Variants in RUNX1 observed in about 807,000 individuals in gnomAD.
The protein encoded by RUNX1 is runt-related transcription factor 1.
Under a neutral mutation model 42.8 loss-of-function variants are expected in RUNX1, and 19 were observed. The observed-to-expected ratio is 0.44, with a 90% confidence interval of 0.31 to 0.65. RUNX1 has a LOEUF of 0.65. Among genes scored for constraint, RUNX1 ranks in the 30% least tolerant of loss-of-function variants. The pLI, the probability that RUNX1 is intolerant of heterozygous loss-of-function variation, is 0.07. For synonymous variants in RUNX1, 271 were observed against 289.4 expected (o/e 0.94, Z 0.64); for missense variants, 528 against 672.0 (o/e 0.79, Z 2.37).
At chr21:34,834,908 G>A (rs1569037782) in intron 6 of RUNX1, among the ~76,000 whole-genome samples, 1 of 152,160 alleles carries the variant, frequency 6.6e-6, no homozygotes, top group African/African-American at 2.4e-5. Flanking sequence ...AGAACTTGGC[G>A]GTGGTGGTGA....
intron 5 of RUNX1, among the ~76,000 whole-genome samples, chr21:34,869,327 C>T (rs148409889): frequency 0.015 from 2,213 of 152,328 alleles, 30 homozygotes; most frequent in Non-Finnish European, 0.02. Flanking sequence ...GAAAGGCACT[C>T]TTAAACCTAT....
At chr21:34,986,040 T>C (rs185725740) in intron 2 of RUNX1, among the ~76,000 whole-genome samples, 2 of 152,058 alleles carry the variant, frequency 1.3e-5, no homozygotes, top group Admixed American at 1.3e-4. Flanking sequence ...ACTGGGCTAA[T>C]TTTTGTATTT....
chr21:34,922,999 T>C (rs931466970), intron 2 of RUNX1, among the ~76,000 whole-genome samples: 4 of 152,180 alleles, frequency 2.6e-5, no homozygotes, highest in African/African-American at 9.7e-5. Flanking sequence ...AGGGAGAAAA[T>C]AGATAGCAAT....
At chr21:34,842,517 T>C (rs1376273431) in intron 6 of RUNX1, among the ~76,000 whole-genome samples, 4 of 131,748 alleles carry the variant, frequency 3.0e-5, no homozygotes, top group Non-Finnish European at 6.6e-5. Flanking sequence ...AAAAAAAAAT[T>C]AAATCAATCA....
intron 2 of RUNX1, among the ~76,000 whole-genome samples, chr21:34,998,819 G>A (rs377153935): frequency 1.8e-3 from 274 of 152,316 alleles, no homozygotes; most frequent in African/African-American, 6.4e-3. Context: ...GGGATTACAG[G>A]CGTGAGCCAC....
At chr21:34,892,365 A>G (rs2058089694) in intron 3 of RUNX1, among the ~76,000 whole-genome samples, 1 of 152,100 alleles carries the variant, frequency 6.6e-6, no homozygotes, top group Non-Finnish European at 1.5e-5. Context: ...TCTAATTACT[A>G]TGAGAGGGGG....
intron 6 of RUNX1, among the ~76,000 whole-genome samples, chr21:34,857,555 A>G (rs1303540639): frequency 2.6e-5 from 4 of 152,216 alleles, no homozygotes; most frequent in African/African-American, 9.6e-5. Flanking sequence ...GCTGGTCGGC[A>G]TTTCAACTGT....
Position 34,944,064 on chromosome 21 carries a change from A to G in RUNX1, c.59-51101T>C, listed in dbSNP as rs374454412. ...TGCTCTGTCACCCAGGCTGGAGTGC[A>G]GTGGTGTGATCACAGCTCACTGTAG... On this transcript the variant is annotated intron_variant, in intron 2 of 8. Transcript: ENST00000675419. Among the ~76,000 whole-genome samples the G allele has an allele frequency of 9.2e-5, 14 of 152,264 alleles. No individual in the cohort carries two copies. The East Asian group carries it at 2.7e-3, about 29-fold the overall frequency.
chr21:34,791,699 C>A lies in RUNX1; in HGVS notation c.*436G>T, dbSNP rs369123316. On this transcript the variant is annotated 3_prime_UTR_variant, in exon 9 of 9. Transcript: ENST00000675419. ...GCGAGTTGCATCCCTCCTCTCCCCC[C>A]ACCCCAACCAAAATTCCACACTCTT... 7 of 231,078 alleles carry A rather than the reference C, an allele frequency of 3.0e-5. No individual in the cohort carries two copies. Among genetic ancestry groups the A allele is most frequent in the East Asian group, 6.1e-5 (1 of 16,332 alleles). 14.3% of individuals were successfully genotyped at this position (231,078 alleles called of 1,614,324 possible).
chr21:34,888,137 G>A, intron 3 of RUNX1: 3 of 1,066,386 alleles, frequency 2.8e-6, no homozygotes, highest in Non-Finnish European at 3.4e-6. Context: ...CATCAGCTGG[G>A]TGACTCAGCC....
At chr21:34,916,053 G>C (rs971028053) in intron 2 of RUNX1, among the ~76,000 whole-genome samples, 1 of 152,124 alleles carries the variant, frequency 6.6e-6, no homozygotes, top group African/African-American at 2.4e-5. Flanking sequence ...AGGGGAGAGG[G>C]GGAAGAGTCA....
intron 2 of RUNX1, chr21:35,038,609 CTCTCTGTG>C (rs1393584696): frequency 2.6e-5 from 8 of 309,268 alleles, no homozygotes; most frequent in East Asian, 2.0e-4. Flanking sequence ...CTCTCTCTCT[CTCTCTGTG>C]TGTGTGTGTG....
chr21:34,790,329 A>G lies in RUNX1; in HGVS notation c.*1806T>C, dbSNP rs185368018. 583 of 233,680 alleles carry G rather than the reference A, an allele frequency of 2.5e-3. 1 individual carries two copies. Among genetic ancestry groups the G allele is most frequent in the African/African-American group, 0.012 (539 of 45,488 alleles). 14.5% of individuals were successfully genotyped at this position (233,680 alleles called of 1,614,324 possible). On this transcript the variant is annotated 3_prime_UTR_variant, in exon 9 of 9. Transcript: ENST00000675419. ...GCCTAATTTGAATGCTTAAATTTAT[A>G]AAATAAAAATCAAACACTGTTCTGA...
At chr21:34,889,600 C>T (rs1191529485) in intron 3 of RUNX1, 2 of 982,684 alleles carry the variant, frequency 2.0e-6, no homozygotes, top group African/African-American at 1.8e-5. Context: ...CCGCGTCTCC[C>T]CTCCGGCTCC....
intron 4 of RUNX1, among the ~76,000 whole-genome samples, chr21:34,881,436 C>A (rs1362342430): frequency 5.9e-5 from 9 of 151,940 alleles, no homozygotes; most frequent in African/African-American, 2.2e-4. Context: ...TTCTAGCACA[C>A]AAGAAAAAAA....
rs1178494841 is a variant in RUNX1, at chr21:35,000,530, G to A, written c.58+48312C>T. ...GCTGGGATTACAGGCGTGAGCCACCGCACCCAGCCTCATATAATTTTCATC... is the reference window on the plus strand; with the variant it reads ...GCTGGGATTACAGGCGTGAGCCACCACACCCAGCCTCATATAATTTTCATC... On this transcript the variant is annotated intron_variant, in intron 2 of 8. Transcript: ENST00000675419. Among the ~76,000 whole-genome samples, 10 of 152,088 alleles carry A rather than the reference G, an allele frequency of 6.6e-5. No individual in the cohort carries two copies. In the East Asian group the frequency reaches 1.2e-3, roughly 18 times the overall value.
rs777848069 is a variant in RUNX1 at position 34,880,545 on chromosome 21, C to T, written c.508+12G>A. 9.9e-6 allele frequency: 16 copies of T among 1,613,696 alleles called. No individual in the cohort carries two copies. Among genetic ancestry groups the T allele is most frequent in the Non-Finnish European group, 1.4e-5 (16 of 1,179,764 alleles). On this transcript the variant is annotated intron_variant, in intron 5 of 8. Coordinates refer to ENST00000675419, the MANE Select transcript of RUNX1 (RefSeq NM_001754.5). ...AAACGTGTTTCAAGCATAGTTTTGA[C>T]AGATAACGTACCTCTTCCACTTCGA...
chr21:35,004,456 T>C (rs531969700), intron 2 of RUNX1, among the ~76,000 whole-genome samples: 2 of 152,336 alleles, frequency 1.3e-5, no homozygotes, highest in East Asian at 1.9e-4. Flanking sequence ...CAAGGGACTA[T>C]GAAAAATCAG....
chr21:34,991,354 G>A (rs185040603), intron 2 of RUNX1, among the ~76,000 whole-genome samples: 132 of 152,290 alleles, frequency 8.7e-4, no homozygotes, highest in African/African-American at 3.1e-3. Flanking sequence ...CTGGGTAGGC[G>A]CCCTGCCCTG....
Sources: allele counts gnomAD v4.1 joint callset (sites outside exome capture counted in the v4.1 genomes callset), GRCh38; gene constraint gnomAD v4.1.1; transcripts MANE v1.5; gene names NCBI Gene and HGNC (gene_info 2026-07-23, HGNC 2026-07-21).